RASGRF2: variants seen among roughly 807,000 people sequenced by gnomAD.
RASGRF2 encodes the protein ras-specific guanine nucleotide-releasing factor 2.
Under a neutral mutation model 151.0 loss-of-function variants are expected in RASGRF2, and 76 were observed. The observed-to-expected ratio is 0.50, with a 90% CI of 0.42 to 0.61. RASGRF2 has a LOEUF of 0.61. Among genes scored for constraint, RASGRF2 ranks in the 20% least tolerant of loss-of-function variants. RASGRF2 has a pLI of 0.00. For missense variants in RASGRF2, 1,148 were observed against 1,564.6 expected, an observed-to-expected ratio of 0.73 and a Z score of 4.49; for synonymous variants, 504 against 566.5, an observed-to-expected ratio of 0.89 and a Z score of 1.57.
intron 1 of RASGRF2, among the ~76,000 whole-genome samples, chr5:81,029,202 T>C (rs904878522): frequency 2.1e-4 from 32 of 152,180 alleles, no homozygotes; most frequent in Non-Finnish European, 1.2e-4. Context: ...TGTCTGCCTC[T>C]GTAGACTCCA....
At chr5:81,080,039 T>C in intron 5 of RASGRF2, 82 bp from the exon 6 acceptor site, 1 of 1,495,530 alleles carries the variant, frequency 6.7e-7, no homozygotes, top group East Asian at 2.5e-5. Context: ...TATGTATATA[T>C]TAAGGCTTTA....
At chr5:81,133,748 A>G (rs186361271) in intron 17 of RASGRF2, among the ~76,000 whole-genome samples, 53 of 152,344 alleles carry the variant, frequency 3.5e-4, no homozygotes, top group Middle Eastern at 3.4e-3. Flanking sequence ...GTAGAGGAAT[A>G]GTTGAATGCA....
intron 15 of RASGRF2, among the ~76,000 whole-genome samples, chr5:81,118,358 G>A (rs1272584401): frequency 6.6e-6 from 1 of 152,212 alleles, no homozygotes; most frequent in Non-Finnish European, 1.5e-5. Flanking sequence ...GGCCGAAGCT[G>A]TACCTGGGTT....
intron 17 of RASGRF2, among the ~76,000 whole-genome samples, chr5:81,179,091 G>A (rs1167237571): frequency 6.6e-6 from 1 of 152,142 alleles, no homozygotes; most frequent in African/African-American, 2.4e-5. Context: ...TTTAATTGAT[G>A]TTTAAAGGAA....
Position 81,226,532 on chromosome 5 carries a change from T to C in RASGRF2, c.*762T>C, listed in dbSNP as rs933153735. 3 of 152,192 alleles carry C rather than the reference T, an allele frequency of 2.0e-5. No individual in the cohort carries two copies. Among genetic ancestry groups the C allele is most frequent in the African/African-American group, 7.2e-5 (3 of 41,452 alleles). 9.4% of individuals were successfully genotyped at this position (152,192 alleles called of 1,614,324 possible). A position where few individuals can be genotyped will look rare whatever the true frequency, so the allele number is the denominator to read the frequency against. ...TGTTGGTCCTAAGAAGCCAGCCCTT[T>C]TGGAGAGGCAGCTGCAAAAAGGTGC... On this transcript the variant is annotated 3_prime_UTR_variant, in exon 27 of 27. Coordinates refer to ENST00000265080, the MANE Select transcript of RASGRF2 (RefSeq NM_006909.3).
intron 8 of RASGRF2, among the ~76,000 whole-genome samples, 189 bp from the exon 9 acceptor site, chr5:81,086,646 G>A (rs1580297679): frequency 6.6e-6 from 1 of 152,242 alleles, no homozygotes; most frequent in East Asian, 1.9e-4. Context: ...TTAGAATTAT[G>A]AGGCACATTG....
At chr5:81,138,545 G>T (rs569298406) in intron 17 of RASGRF2, among the ~76,000 whole-genome samples, 1 of 152,080 alleles carries the variant, frequency 6.6e-6, no homozygotes, top group Non-Finnish European at 1.5e-5. Flanking sequence ...ATCTTTCTCC[G>T]GTGTTTACTG....
chr5:81,190,075 A>G (rs536191267), intron 18 of RASGRF2, among the ~76,000 whole-genome samples: 68 of 152,272 alleles, frequency 4.5e-4, no homozygotes, highest in African/African-American at 1.6e-3. Context: ...AGCTGTCGAC[A>G]CTGTCAGCCT....
At chr5:81,144,586 A>G (rs1325015159) in intron 17 of RASGRF2, among the ~76,000 whole-genome samples, 3 of 152,200 alleles carry the variant, frequency 2.0e-5, no homozygotes, top group Non-Finnish European at 4.4e-5. Context: ...CTTGCAAACC[A>G]TTCTCCTATG....
chr5:81,100,861 C>T (rs1580314261), intron 12 of RASGRF2, among the ~76,000 whole-genome samples: 1 of 152,180 alleles, frequency 6.6e-6, no homozygotes, highest in Non-Finnish European at 1.5e-5. Flanking sequence ...AAAATTGACT[C>T]TAACCTTTCT....
intron 1 of RASGRF2, among the ~76,000 whole-genome samples, chr5:80,982,408 A>G (rs546032245): frequency 4.1e-4 from 61 of 150,234 alleles, no homozygotes; most frequent in Non-Finnish European, 7.7e-4. Context: ...AACATCTGAA[A>G]TCACCCTTGA....
At chr5:81,218,165 C>T (rs563327359) in intron 25 of RASGRF2, among the ~76,000 whole-genome samples, 20 of 152,182 alleles carry the variant, frequency 1.3e-4, no homozygotes, top group African/African-American at 4.1e-4. Context: ...ATTACAGGCC[C>T]GGCCCAATGT....
At chr5:81,123,549 A>T in intron 15 of RASGRF2, 93 bp from the exon 16 acceptor site, 1 of 1,405,234 alleles carries the variant, frequency 7.1e-7, no homozygotes, top group Non-Finnish European at 9.7e-7. Flanking sequence ...AATGCTTATT[A>T]TCTGTAATGA....
chr5:80,969,815 CTTTT>C (rs10584906), intron 1 of RASGRF2, among the ~76,000 whole-genome samples: 4 of 76,944 alleles, frequency 5.2e-5, no homozygotes, highest in Non-Finnish European at 8.8e-5. Flanking sequence ...ACTTCTTCTT[CTTTT>C]TTTTTTTTTT....
intron 18 of RASGRF2, among the ~76,000 whole-genome samples, chr5:81,189,711 C>CTTT (rs369630375): frequency 0.23 from 28,307 of 120,496 alleles, 3,856 homozygotes; most frequent in Middle Eastern, 0.3. Context: ...GGCCTATATA[C>CTTT]TTTTTTTTTT....
chr5:81,061,390 C>T (rs971621560), intron 2 of RASGRF2, among the ~76,000 whole-genome samples: 1 of 152,104 alleles, frequency 6.6e-6, no homozygotes, highest in African/African-American at 2.4e-5. Flanking sequence ...TACAATGACT[C>T]ACTTCAGTGG....
chr5:81,135,083 G>A (rs1395417966), intron 17 of RASGRF2, among the ~76,000 whole-genome samples: 1 of 151,704 alleles, frequency 6.6e-6, no homozygotes, highest in East Asian at 1.9e-4. Flanking sequence ...AAGGTGGGAG[G>A]ATTGCTTGAG....
At chr5:81,022,155 C>T (rs535476350) in intron 1 of RASGRF2, among the ~76,000 whole-genome samples, 2 of 152,290 alleles carry the variant, frequency 1.3e-5, no homozygotes, top group African/African-American at 4.8e-5. Context: ...CCCTCAGTAG[C>T]TGCAGGAGAG....
chr5:81,035,570 C>T (rs1056801383), intron 1 of RASGRF2, among the ~76,000 whole-genome samples: 2 of 151,788 alleles, frequency 1.3e-5, no homozygotes, highest in African/African-American at 4.8e-5. Flanking sequence ...ATGTAACAAA[C>T]CTGCATGTTG....
Sources: gnomAD v4.1 joint callset for allele counts (sites outside exome capture counted in the v4.1 genomes callset) on GRCh38, gnomAD v4.1.1 for gene constraint, MANE v1.5 for transcripts, NCBI Gene and HGNC (gene_info 2026-07-23, HGNC 2026-07-21) for gene names.